SIN3A: variants seen among roughly 807,000 people sequenced by gnomAD.
The protein encoded by SIN3A is paired amphipathic helix protein Sin3a.
SIN3A carries 14 observed loss-of-function variants against 146.1 expected under a neutral mutation model. The observed-to-expected ratio is 0.10, with a 90% CI of 0.06 to 0.15. The LOEUF is 0.15. Among genes scored for constraint, SIN3A ranks in the 10% least tolerant of loss-of-function variants. The pLI, the probability that SIN3A is intolerant of heterozygous loss-of-function variation, is 1.00. For missense variants in SIN3A, 1,028 were observed against 1,576.0 expected (o/e 0.65, Z 5.89); for synonymous variants, 572 against 572.0 (o/e 1.00, Z 0.00).
chr15:75,411,050 TG>T (rs1043600426), intron 6 of SIN3A, among the ~76,000 whole-genome samples: 1 of 146,100 alleles, frequency 6.8e-6, no homozygotes, highest in African/African-American at 2.5e-5. Flanking sequence ...CTTTATAGCA[TG>T]GGGGCGGTGG....
chr15:75,420,169 G>A (rs1433086870), intron 3 of SIN3A: 1 of 152,044 alleles, frequency 6.6e-6, no homozygotes. Context: ...AATCTTGTTG[G>A]GAGAGAAAAA....
At chr15:75,450,869 C>T (rs2074391736) in intron 1 of SIN3A, among the ~76,000 whole-genome samples, 1 of 152,196 alleles carries the variant, frequency 6.6e-6, no homozygotes, top group African/African-American at 2.4e-5. Flanking sequence ...AAACCCGGGG[C>T]CTGGGCGGGG....
intron 8 of SIN3A, among the ~76,000 whole-genome samples, chr15:75,407,650 T>C (rs1386242853): frequency 6.6e-6 from 1 of 151,976 alleles, no homozygotes; most frequent in African/African-American, 2.4e-5. Context: ...CCCAGCACTT[T>C]GGGAGGCCAA....
At chr15:75,408,726 T>A (rs2073567796) in intron 8 of SIN3A, among the ~76,000 whole-genome samples, 1 of 152,152 alleles carries the variant, frequency 6.6e-6, no homozygotes, top group South Asian at 2.1e-4. Context: ...GCCTTGGAGA[T>A]TAAGATGATA....
At chr15:75,402,313 C>A (rs1321650781) in intron 9 of SIN3A, among the ~76,000 whole-genome samples, 1 of 152,046 alleles carries the variant, frequency 6.6e-6, no homozygotes, top group Admixed American at 6.6e-5. Flanking sequence ...GGACTTCGAG[C>A]CCAGACTGGC....
In SIN3A at chr15:75,409,825, C is replaced by T. The variant is rs764277781; in HGVS notation, c.1317+11G>A. ...TGAGTGTCAAAATGAGCAGCTGCTGCCCATTCTCACCTTAACTGGAGGGGT... is the reference window on the plus strand; with the variant it reads ...TGAGTGTCAAAATGAGCAGCTGCTGTCCATTCTCACCTTAACTGGAGGGGT... On this transcript the variant is annotated intron_variant, in intron 8 of 20. Coordinates refer to ENST00000394947, the MANE Select transcript of SIN3A (RefSeq NM_001145358.2). The T allele has an allele frequency of 1.1e-5, 18 of 1,611,078 alleles. No individual in the cohort carries two copies. The highest frequency in any genetic ancestry group is 1.4e-5 in the Non-Finnish European group (17 of 1,179,158).
chr15:75,386,618 G>T (rs1323424853), intron 16 of SIN3A, among the ~76,000 whole-genome samples: 1 of 152,196 alleles, frequency 6.6e-6, no homozygotes, highest in Non-Finnish European at 1.5e-5. Flanking sequence ...GGCTGGAGGA[G>T]CCTGGAGCAC....
chr15:75,406,425 C>CTGA (rs2141474502), intron 9 of SIN3A, among the ~76,000 whole-genome samples: 1 of 152,320 alleles, frequency 6.6e-6, no homozygotes, highest in South Asian at 2.1e-4. Flanking sequence ...CGGTGGCTCA[C>CTGA]GCCTGTAATC....
At chr15:75,395,102 TG>T (rs1197226776) in intron 13 of SIN3A, among the ~76,000 whole-genome samples, 1 of 152,190 alleles carries the variant, frequency 6.6e-6, no homozygotes, top group East Asian at 1.9e-4. Flanking sequence ...TTACCTAGAA[TG>T]GTTACTTAAA....
At chr15:75,422,951 G>T in intron 2 of SIN3A, 128 bp from the exon 3 acceptor site, 3 of 879,380 alleles carry the variant, frequency 3.4e-6, no homozygotes, top group South Asian at 1.7e-5. Flanking sequence ...GGGCGTGATG[G>T]CTCACACCTA....
At chr15:75,387,799 C>G (rs1200027469) in intron 16 of SIN3A, among the ~76,000 whole-genome samples, 2 of 151,906 alleles carry the variant, frequency 1.3e-5, no homozygotes, top group African/African-American at 4.8e-5. Context: ...TAACTGGAGT[C>G]TGTATTTTAT....
At chr15:75,414,669 G>T (rs995572746) in intron 3 of SIN3A, among the ~76,000 whole-genome samples, 1 of 152,106 alleles carries the variant, frequency 6.6e-6, no homozygotes, top group African/African-American at 2.4e-5. Context: ...GTAGCCCCTC[G>T]TCTATAGACA....
At chr15:75,453,463 T>C (rs2074440659), upstream of SIN3A, 1 of 152,370 alleles carries the variant, frequency 6.6e-6, no homozygotes, top group Non-Finnish European at 1.5e-5. Context: ...CTTCCACCAC[T>C]AGACTGAGTA....
chr15:75,392,916 CTA>C, intron 14 of SIN3A, 101 bp from the exon 15 acceptor site: 1 of 885,378 alleles, frequency 1.1e-6, no homozygotes, highest in Non-Finnish European at 1.7e-6. Flanking sequence ...ACCACAGTGT[CTA>C]TATTTTTCTA....
intron 14 of SIN3A, 29 bp from the exon 15 acceptor site, chr15:75,392,844 T>G: frequency 6.6e-7 from 1 of 1,505,798 alleles, no homozygotes; most frequent in Non-Finnish European, 9.1e-7. Context: ...AAAAGTATTC[T>G]GTGAGATGTC....
At chr15:75,389,352 A>C (rs924955115) in intron 16 of SIN3A, among the ~76,000 whole-genome samples, 1 of 152,020 alleles carries the variant, frequency 6.6e-6, no homozygotes, top group African/African-American at 2.4e-5. Context: ...AATGTTCCAC[A>C]CTGTGTGCTT....
At chr15:75,428,290 G>A (rs1334147914) in intron 2 of SIN3A, among the ~76,000 whole-genome samples, 1 of 152,098 alleles carries the variant, frequency 6.6e-6, no homozygotes, top group Admixed American at 6.6e-5. Context: ...AACCAACGAT[G>A]GTAGACCCTT....
chr15:75,425,739 TCCAAATGC>T (rs984076869), intron 2 of SIN3A, among the ~76,000 whole-genome samples: 2 of 152,230 alleles, frequency 1.3e-5, no homozygotes, highest in Non-Finnish European at 2.9e-5. Context: ...CAACAATCTG[TCCAAATGC>T]CCAAATGCCC....
At chr15:75,423,619 A>G (rs2073876832) in intron 2 of SIN3A, among the ~76,000 whole-genome samples, 2 of 152,184 alleles carry the variant, frequency 1.3e-5, no homozygotes, top group Non-Finnish European at 2.9e-5. Flanking sequence ...CGGAGCTTGC[A>G]GTGAGCCAAG....
Sources: allele counts gnomAD v4.1 joint callset (sites outside exome capture counted in the v4.1 genomes callset), GRCh38; gene constraint gnomAD v4.1.1; transcripts MANE v1.5; gene names NCBI Gene and HGNC (gene_info 2026-07-23, HGNC 2026-07-21).